Variants in AKR1C3 observed in about 807,000 individuals in gnomAD.
AKR1C3 encodes the protein aldo-keto reductase family 1 member C3, also known as 3-alpha hydroxysteroid dehydrogenase, type II.
Under a neutral mutation model 43.6 loss-of-function variants are expected in AKR1C3, and 48 were observed. The observed-to-expected ratio is 1.10, with a 90% confidence interval of 0.87 to 1.40. The LOEUF is 1.40. AKR1C3 is among the 40% of genes most tolerant of loss of function. AKR1C3 has a pLI of 0.00. For missense variants in AKR1C3, 482 were observed against 391.2 expected (o/e 1.23, Z -1.96); for synonymous variants, 162 against 139.6 (o/e 1.16, Z -1.13).
At chr10:5,105,013 G>C (rs11252948) in intron 7 of AKR1C3, among the ~76,000 whole-genome samples, 1 of 151,556 alleles carries the variant, frequency 6.6e-6, no homozygotes, top group Non-Finnish European at 1.5e-5. Context: ...TCAATTCCAT[G>C]TGTTAGCAAT....
At chr10:5,049,134 A>G (rs1203178646) in intron 1 of AKR1C3, among the ~76,000 whole-genome samples, 1 of 151,504 alleles carries the variant, frequency 6.6e-6, no homozygotes, top group African/African-American at 2.4e-5. Context: ...TCTTCTATTT[A>G]TGTTTATTTC....
At chr10:5,083,147 A>G (rs1431375134) in intron 1 of AKR1C3, among the ~76,000 whole-genome samples, 1 of 152,048 alleles carries the variant, frequency 6.6e-6, no homozygotes, top group Non-Finnish European at 1.5e-5. Flanking sequence ...ACATATGTAT[A>G]CATGTGCCAT....
At chr10:5,091,501 T>C (rs1331814291), upstream of AKR1C3, among the ~76,000 whole-genome samples, 1 of 152,170 alleles carries the variant, frequency 6.6e-6, no homozygotes, top group Non-Finnish European at 1.5e-5. Flanking sequence ...TTGTCCTTCA[T>C]ATCCTCATAT....
At chr10:5,072,276 G>A (rs532467869) in intron 1 of AKR1C3, among the ~76,000 whole-genome samples, 2 of 152,316 alleles carry the variant, frequency 1.3e-5, no homozygotes, top group East Asian at 3.9e-4. Flanking sequence ...TCAGGGAGGA[G>A]AGTATGTGAC....
chr10:5,051,050 T>C (rs1232546256), intron 1 of AKR1C3, among the ~76,000 whole-genome samples: 1 of 152,190 alleles, frequency 6.6e-6, no homozygotes, highest in Non-Finnish European at 1.5e-5. Flanking sequence ...TGTAGGCAGA[T>C]GTACAGGAAT....
At chr10:5,065,931 T>C (rs7070192) in intron 1 of AKR1C3, among the ~76,000 whole-genome samples, 86,340 of 151,846 alleles carry the variant, frequency 0.57, 25,547 homozygotes, top group East Asian at 0.79. Flanking sequence ...GGGGTGTAGT[T>C]TCTACCTATT....
At chr10:5,059,860 G>T (rs1219254000) in intron 1 of AKR1C3, among the ~76,000 whole-genome samples, 3 of 152,186 alleles carry the variant, frequency 2.0e-5, no homozygotes, top group Admixed American at 6.5e-5. Context: ...AGAAATGGTG[G>T]GTTCTTGGTC....
At chr10:5,052,030 C>T (rs1270646709) in intron 1 of AKR1C3, among the ~76,000 whole-genome samples, 4 of 152,090 alleles carry the variant, frequency 2.6e-5, no homozygotes, top group Admixed American at 6.5e-5. Context: ...AGAATGAAGC[C>T]GTGGACCCTC....
Position 5,102,204 on chromosome 10 carries a change from A to C in AKR1C3, c.674A>C (p.Lys225Thr). The change falls in exon 6 of 9, where the codon AAA becomes ACA. Residue 225 changes from lysine to threonine, a missense_variant. Physicochemically the swap from Lys to Thr is moderately conservative, Grantham distance 78. Transcript: ENST00000380554. ...AGTGCTCTGGGATCTCAACGAGACA[A>C]ACGATGGTAATAAAAACAATGGGAC... ...AYSALGSQRD[K>T]RWVDPNSPVL... 2.5e-6 allele frequency: 4 copies of C among 1,612,732 alleles called. No individual in the cohort carries two copies. The highest frequency in any genetic ancestry group is 2.5e-6 in the Non-Finnish European group (3 of 1,178,998).
chr10:5,089,444 AATT>A (rs1202722493), upstream of AKR1C3, among the ~76,000 whole-genome samples: 1 of 152,034 alleles, frequency 6.6e-6, no homozygotes, highest in Non-Finnish European at 1.5e-5. Flanking sequence ...CATTTATAAC[AATT>A]ATTTTCTTTT....
At chr10:5,061,420 C>G (rs1397240274) in intron 1 of AKR1C3, among the ~76,000 whole-genome samples, 1 of 152,134 alleles carries the variant, frequency 6.6e-6, no homozygotes, top group Non-Finnish European at 1.5e-5. Context: ...GAGATCAGAG[C>G]TCCCAGAGCC....
At position 5,095,882 on chromosome 10, in the gene AKR1C3, T is replaced by TA. The variant is rs540396404; in HGVS notation, c.85-528_85-527insA. ...TTAATAGACTACTATTCACAGATGC[T>TA]TTATTTCCCAAGTGAACCCTAGTTG... is the stretch of plus-strand genomic sequence containing the variant. On this transcript the variant is annotated intron_variant, in intron 1 of 8. Transcript: ENST00000380554. Among the ~76,000 whole-genome samples, 1,490 of 152,192 alleles carry TA rather than the reference T, an allele frequency of 9.8e-3. 24 individuals carry two copies. Among genetic ancestry groups the TA allele is most frequent in the African/African-American group, 0.034 (1,417 of 41,538 alleles).
chr10:5,055,584 T>G (rs1838242711), intron 1 of AKR1C3, among the ~76,000 whole-genome samples: 1 of 152,244 alleles, frequency 6.6e-6, no homozygotes, highest in African/African-American at 2.4e-5. Flanking sequence ...CTTTTGCTAC[T>G]ACATTAATTT....
upstream of AKR1C3, among the ~76,000 whole-genome samples, chr10:5,090,159 G>T (rs919412317): frequency 6.6e-6 from 1 of 152,114 alleles, no homozygotes; most frequent in African/African-American, 2.4e-5. Flanking sequence ...GGGATGGACC[G>T]TGGAATGATC....
At chr10:5,097,805 TTTCAAGGCACTGTC>T in intron 3 of AKR1C3, 1 of 1,223,956 alleles carries the variant, frequency 8.2e-7, no homozygotes, top group South Asian at 1.7e-5. Flanking sequence ...CAATAGTCTC[TTTCAAGGCACTGTC>T]TTAGTTGTGG....
chr10:5,078,090 A>G (rs1554782013), intron 1 of AKR1C3: 3 of 597,790 alleles, frequency 5.0e-6, no homozygotes, highest in Non-Finnish European at 8.7e-6. Context: ...AAAAGGAATG[A>G]TGTCTTTTGT....
At chr10:5,071,834 G>A (rs1262688312) in intron 1 of AKR1C3, among the ~76,000 whole-genome samples, 1 of 152,122 alleles carries the variant, frequency 6.6e-6, no homozygotes, top group Non-Finnish European at 1.5e-5. Flanking sequence ...CCTACTTTTT[G>A]TAATTTTCCG....
chr10:5,083,816 C>T (rs575750089), intron 1 of AKR1C3, among the ~76,000 whole-genome samples: 22 of 152,194 alleles, frequency 1.4e-4, no homozygotes, highest in Admixed American at 1.4e-3. Context: ...ATTTGTATTT[C>T]TCTGATGGCC....
At chr10:5,069,758 C>T (rs781897891) in intron 1 of AKR1C3, among the ~76,000 whole-genome samples, 30 of 152,018 alleles carry the variant, frequency 2.0e-4, no homozygotes, top group Non-Finnish European at 3.8e-4. Context: ...CCTGTAGTTC[C>T]AACTGCTTGG....
Sources: gnomAD v4.1 joint callset for allele counts (sites outside exome capture counted in the v4.1 genomes callset) on GRCh38, gnomAD v4.1.1 for gene constraint, MANE v1.5 for transcripts, NCBI Gene and HGNC (gene_info 2026-07-23, HGNC 2026-07-21) for gene names.